The following NUP160 variants were observed in gnomAD, a reference collection of about 807,000 sequenced individuals.
The protein encoded by NUP160 is nuclear pore complex protein Nup160.
A neutral mutation model predicts 196.9 loss-of-function variants in NUP160; 94 were observed. The ratio of observed to expected loss-of-function variants is 0.48; its 90% CI spans 0.40 to 0.57. The LOEUF is 0.57. Among genes scored for constraint, NUP160 ranks in the 20% least tolerant of loss-of-function variants. NUP160 has a pLI of 0.00. For synonymous variants in NUP160, 605 were observed against 619.7 expected, an observed-to-expected ratio of 0.98 and a Z score of 0.35; for missense variants, 1,638 against 1,748.3, an observed-to-expected ratio of 0.94 and a Z score of 1.13.
intron 18 of NUP160, among the ~76,000 whole-genome samples, chr11:47,807,551 C>G (rs2097678442): frequency 6.6e-6 from 1 of 151,950 alleles, no homozygotes; most frequent in Admixed American, 6.6e-5. Flanking sequence ...CCTCTAAACT[C>G]AGCTACTCTG....
At position 47,798,175 on chromosome 11, in the gene NUP160, A is replaced by T. The variant is rs936125416; in HGVS notation, c.3079T>A (p.Ser1027Thr). Reference sequence around the variant, plus strand: ...AAAAGGCCATGAAATTACCTGCTGGAATCAGGAATTTGGGTTAAGGCTTCA... The same window carrying T: ...AAAAGGCCATGAAATTACCTGCTGGTATCAGGAATTTGGGTTAAGGCTTCA... The change falls in exon 25 of 36, where the codon TCC (serine) becomes ACC (threonine). Residue 1027 changes from serine (S) to threonine (T), a missense_variant. Physicochemically the swap from Ser to Thr is moderately conservative, Grantham distance 58. Coordinates refer to ENST00000378460, the Ensembl canonical transcript of NUP160. The T allele has an allele frequency of 3.1e-6, 5 of 1,609,752 alleles. No homozygotes were observed. In the African/African-American group the frequency reaches 6.7e-5, roughly 22 times the overall value.
intron 2 of NUP160, chr11:47,841,430 C>G (rs1852295589): frequency 2.2e-6 from 1 of 446,854 alleles, no homozygotes; most frequent in Admixed American, 2.9e-5. Flanking sequence ...ACTTGGTTCA[C>G]AGGCGCCACT....
At position 47,824,452 on chromosome 11, in the gene NUP160, C is replaced by G. The variant is rs534671376; in HGVS notation, c.1102-2288G>C. ...AACGCCATCTCTACTAAAAAAAATACAAAAAAATTTAGCCGGGCGCAGTGG... is the reference window on the plus strand; with the variant it reads ...AACGCCATCTCTACTAAAAAAAATAGAAAAAAATTTAGCCGGGCGCAGTGG... On this transcript the variant is annotated intron_variant, in intron 7 of 35. Coordinates refer to ENST00000378460, the Ensembl canonical transcript of NUP160. Among the ~76,000 whole-genome samples, 248 of 151,482 alleles carry G rather than the reference C, an allele frequency of 1.6e-3. 1 individual carries two copies. The highest frequency in any genetic ancestry group is 5.7e-3 in the African/African-American group (237 of 41,330).
intron 19 of NUP160, among the ~76,000 whole-genome samples, chr11:47,806,790 T>TACACACACACACACACAC (rs57141346): frequency 8.9e-6 from 1 of 111,844 alleles, no homozygotes; most frequent in African/African-American, 3.5e-5. Flanking sequence ...AAAGCAGCTA[T>TACACACACACACACACAC]ACACACACAC....
chr11:47,800,122 T>C (rs28843402), intron 23 of NUP160, among the ~76,000 whole-genome samples: 1 of 151,588 alleles, frequency 6.6e-6, no homozygotes, highest in South Asian at 2.1e-4. Flanking sequence ...GGTGTGGTGG[T>C]GCACACCTGT....
intron 7 of NUP160, among the ~76,000 whole-genome samples, chr11:47,828,398 G>T (rs1052228462): frequency 5.9e-5 from 9 of 152,012 alleles, no homozygotes; most frequent in African/African-American, 2.2e-4. Flanking sequence ...GCATCAAAAA[G>T]AATCAAATAT....
chr11:47,834,331 C>A lies in NUP160; in HGVS notation c.1101+1320G>T, dbSNP rs12275750. On this transcript the variant is annotated intron_variant, in intron 7 of 35. Coordinates refer to ENST00000378460, the Ensembl canonical transcript of NUP160. ...ATGGAAGGAACTAAGGAAGTTAGAG[C>A]AGGGTCAATTCTCCTACCACCCACA... Among the ~76,000 whole-genome samples the A allele has an allele frequency of 7.2e-3, 1,093 of 152,192 alleles. 17 individuals are homozygous for A. Among genetic ancestry groups the A allele is most frequent in the African/African-American group, 0.024 (1,011 of 41,536 alleles).
exon 3 of NUP160, chr11:47,840,542 T>A: frequency 6.2e-7 from 1 of 1,613,642 alleles, no homozygotes; most frequent in South Asian, 1.1e-5. Flanking sequence ...AACAGATTTA[T>A]GTCCAGTGAC....
intron 34 of NUP160, among the ~76,000 whole-genome samples, chr11:47,781,900 G>A (rs2135337692): frequency 6.6e-6 from 1 of 152,158 alleles, no homozygotes; most frequent in Non-Finnish European, 1.5e-5. Context: ...ATATTTAGTT[G>A]TATAACTACA....
In NUP160 at chr11:47,793,722, GTTTT is replaced by G. The variant is rs750497969; in HGVS notation, c.3290-780_3290-777del. The stretch of plus-strand genomic sequence containing the variant: ...TCATTTAATTATCTGTAAGATATCT[GTTTT>G]TTTTTTTTTTTTTTTTTTTTTTTTT... On this transcript the variant is annotated intron_variant, in intron 27 of 35. Transcript: ENST00000378460. Among the ~76,000 whole-genome samples the G allele has an allele frequency of 4.9e-3, 425 of 87,010 alleles. 3 individuals carry two copies. Among genetic ancestry groups the G allele is most frequent in the African/African-American group, 8.9e-3 (168 of 18,910 alleles). 57.1% of individuals were successfully genotyped at this position (87,010 alleles called of 152,430 possible).
chr11:47,845,569 T>C lies in NUP160; in HGVS notation c.314+2279A>G, dbSNP rs565247628. ...ACCCTTTTCCTGTAACAAAACTGCA[T>C]GTACTTGGGGTTTTTTGGTTATTGT... is the stretch of plus-strand genomic sequence containing the variant. On this transcript the variant is annotated intron_variant, in intron 2 of 35. Coordinates refer to ENST00000378460, the Ensembl canonical transcript of NUP160. Among the ~76,000 whole-genome samples, 17 of 152,332 alleles carry C rather than the reference T, an allele frequency of 1.1e-4. No individual in the cohort carries two copies. The South Asian group carries it at 3.3e-3, about 30-fold the overall frequency.
rs531107421 is a variant in NUP160 at position 47,819,630 on chromosome 11, G to A, written c.1278-172C>T. Reference sequence around the variant, plus strand: ...AATAAGAAAGAAAGAAACATTTTTAGCAGAGCCTAGTTTTTATACAAGTTT... The same window carrying A: ...AATAAGAAAGAAAGAAACATTTTTAACAGAGCCTAGTTTTTATACAAGTTT... On this transcript the variant is annotated intron_variant, in intron 9 of 35. Transcript: ENST00000378460. Among the ~76,000 whole-genome samples the A allele has an allele frequency of 5.3e-5, 8 of 152,112 alleles. No homozygotes were observed. The East Asian group carries it at 1.5e-3, about 29-fold the overall frequency.
intron 2 of NUP160, chr11:47,841,185 CTTGT>C (rs1021973934): frequency 5.3e-5 from 9 of 168,978 alleles, no homozygotes; most frequent in Non-Finnish European, 7.7e-5. Flanking sequence ...TCAAAAGGAG[CTTGT>C]TTATTTATTT....
chr11:47,814,613 CTA>C (rs140085243), intron 13 of NUP160, among the ~76,000 whole-genome samples: 56 of 148,458 alleles, frequency 3.8e-4, no homozygotes, highest in African/African-American at 1.1e-3. Context: ...TGAATATAAA[CTA>C]TATATATATA....
chr11:47,801,413 C>T (rs1349914742), intron 23 of NUP160, among the ~76,000 whole-genome samples: 5 of 152,032 alleles, frequency 3.3e-5, no homozygotes, highest in Non-Finnish European at 7.4e-5. Flanking sequence ...TGCAGTGGCA[C>T]GATCTTGGCT....
intron 14 of NUP160, 96 bp from the exon 15 acceptor site, chr11:47,813,143 TC>T: frequency 1.9e-6 from 2 of 1,053,806 alleles, no homozygotes; most frequent in Non-Finnish European, 2.8e-6. Context: ...TGACAAGAAA[TC>T]TATCTGAGGT....
rs115050487 is a variant in NUP160, at chr11:47,814,224, C to T, written c.1687-809G>A. The stretch of plus-strand genomic sequence containing the variant: ...ATCATTCTCATGAAAGACAAAGAAA[C>T]GCTGATAACAGTTTGAGGTTAAGCT... On this transcript the variant is annotated intron_variant, in intron 13 of 35. Transcript: ENST00000378460. Among the ~76,000 whole-genome samples the T allele has an allele frequency of 1.0e-3, 153 of 151,812 alleles. 2 individuals carry two copies. Among genetic ancestry groups the T allele is most frequent in the African/African-American group, 3.5e-3 (146 of 41,448 alleles).
chr11:47,801,661 A>G, intron 23 of NUP160, 150 bp downstream of exon 23: 1 of 754,700 alleles, frequency 1.3e-6, no homozygotes, highest in Non-Finnish European at 2.1e-6. Flanking sequence ...TGTTTCTTTA[A>G]TTTCTCTAGG....
intron 35 of NUP160, 51 bp from the exon 36 acceptor site, chr11:47,779,245 A>C: frequency 8.3e-7 from 1 of 1,198,072 alleles, no homozygotes; most frequent in Middle Eastern, 2.0e-4. Context: ...CAATGGAAAA[A>C]TATTGAAGTT....
Sources: allele counts gnomAD v4.1 joint callset (sites outside exome capture counted in the v4.1 genomes callset), GRCh38; gene constraint gnomAD v4.1.1; transcripts MANE v1.5; gene names NCBI Gene and HGNC (gene_info 2026-07-23, HGNC 2026-07-21).